ACOX1: variants seen among roughly 807,000 people sequenced by gnomAD.
The protein encoded by ACOX1 is peroxisomal acyl-coenzyme A oxidase 1.
Under a neutral mutation model 75.5 loss-of-function variants are expected in ACOX1, and 41 were observed. The ratio of observed to expected loss-of-function variants is 0.54; its 90% CI spans 0.42 to 0.70. ACOX1 has a LOEUF of 0.70. Among genes scored for constraint, ACOX1 ranks in the 30% least tolerant of loss-of-function variants. The probability of loss-of-function intolerance (pLI) is 0.00; values close to 1 mark genes in which losing one functional copy is unlikely to be tolerated. For synonymous variants in ACOX1, 303 were observed against 298.8 expected (o/e 1.01, Z -0.15); for missense variants, 630 against 837.5 (o/e 0.75, Z 3.06).
intron 2 of ACOX1, among the ~76,000 whole-genome samples, chr17:75,966,262 G>C (rs2065931333): frequency 6.6e-6 from 1 of 151,520 alleles, no homozygotes; most frequent in Non-Finnish European, 1.5e-5. Context: ...TTTGAGACCA[G>C]CCTGACCAAC....
intron 13 of ACOX1, 69 bp from the exon 14 acceptor site, chr17:75,946,864 G>C (rs1170530548): frequency 7.2e-7 from 1 of 1,391,232 alleles, no homozygotes; most frequent in Non-Finnish European, 1.0e-6. Flanking sequence ...ACTGTTTTTT[G>C]TTTTTGTTTT....
intron 3 of ACOX1, among the ~76,000 whole-genome samples, chr17:75,958,768 A>G (rs986487902): frequency 8.6e-5 from 13 of 150,300 alleles, no homozygotes; most frequent in Admixed American, 5.4e-4. Context: ...AGATCGCGCC[A>G]CTGCACTCCA....
chr17:75,965,337 C>CAGA (rs2065921398), intron 2 of ACOX1, among the ~76,000 whole-genome samples: 1 of 81,702 alleles, frequency 1.2e-5, no homozygotes, highest in Non-Finnish European at 2.6e-5. Context: ...GACTCTGTCT[C>CAGA]AAAAAAAAAA....
At chr17:75,962,690 T>C (rs2065897497) in intron 2 of ACOX1, among the ~76,000 whole-genome samples, 1 of 152,314 alleles carries the variant, frequency 6.6e-6, no homozygotes, top group African/African-American at 2.4e-5. Flanking sequence ...TATGTGTGAC[T>C]GAATCCCTCA....
chr17:75,957,603 T>C (rs760342013), intron 3 of ACOX1, 37 bp from the exon 4 acceptor site: 22 of 1,550,952 alleles, frequency 1.4e-5, no homozygotes, highest in African/African-American at 9.5e-5. Context: ...AGTTAAGAGA[T>C]GGGGAAAAAA....
At chr17:75,967,034 G>A (rs1311506119) in intron 2 of ACOX1, among the ~76,000 whole-genome samples, 1 of 150,616 alleles carries the variant, frequency 6.6e-6, no homozygotes, top group Non-Finnish European at 1.5e-5. Flanking sequence ...CCCAGCCTGG[G>A]TGACAGAGTG....
Position 75,951,526 on chromosome 17 carries a change from A to C in ACOX1, c.996T>G (p.Phe332Leu), listed in dbSNP as rs947994925. Reference sequence around the variant, plus strand: ...AGGCATAGGCAGTGGCCAGGAGTGGAAAGAGTTTATACTGCTGGGTTTGAA... The same window carrying C: ...AGGCATAGGCAGTGGCCAGGAGTGGCAAGAGTTTATACTGCTGGGTTTGAA... ...LDFQTQQYKL[F>L]PLLATAYAFQ... Residue 332 changes from phenylalanine to leucine, a missense_variant, in exon 8 of 14, where the codon TTT (phenylalanine) becomes TTG (leucine). By Grantham distance (22) the Phe-to-Leu change is conservative (BLOSUM62 0). Around this residue, in one of 2 missense-constraint regions of ACOX1, gnomAD observed 390 missense variants for 574.9 expected, o/e 0.68. Coordinates refer to ENST00000293217, the MANE Select transcript of ACOX1 (RefSeq NM_004035.7). The C allele has an allele frequency of 6.2e-7, 1 of 1,614,178 alleles. No homozygotes were observed. The highest frequency in any genetic ancestry group is 1.3e-5 in the African/African-American group (1 of 75,062).
Position 75,950,720 on chromosome 17 carries a change from A to C in ACOX1, c.1298+54T>G. The C allele has an allele frequency of 1.9e-6, 3 of 1,567,134 alleles. No homozygotes were observed. Among genetic ancestry groups the C allele is most frequent in the Non-Finnish European group, 2.6e-6 (3 of 1,138,480 alleles). ...ACCATGGGAACAAGAACCTAGGAAAAGGACTAGAACATTCTTATGAACAGA... is the reference window on the plus strand; with the variant it reads ...ACCATGGGAACAAGAACCTAGGAAACGGACTAGAACATTCTTATGAACAGA... On this transcript the variant is annotated intron_variant, in intron 9 of 13. Coordinates refer to ENST00000293217, the MANE Select transcript of ACOX1 (RefSeq NM_004035.7). This position sits in a 1 kb window ranked among gnomAD's most constrained non-coding sequence, Gnocchi z 4.3.
At chr17:75,967,661 C>CATATATATACATATATATACGT (rs1567885227) in intron 2 of ACOX1, among the ~76,000 whole-genome samples, 29 of 93,292 alleles carry the variant, frequency 3.1e-4, no homozygotes, top group Non-Finnish European at 4.3e-4. Context: ...TATATACATA[C>CATATATATACATATATATACGT]ATATATATAC....
intron 2 of ACOX1, among the ~76,000 whole-genome samples, chr17:75,970,952 C>A (rs2065987968): frequency 1.3e-5 from 2 of 152,212 alleles, no homozygotes; most frequent in African/African-American, 4.8e-5. Flanking sequence ...GGACACTGTT[C>A]TCTAAACCAC....
intron 6 of ACOX1, among the ~76,000 whole-genome samples, chr17:75,955,005 CT>C (rs2144253225): frequency 6.6e-6 from 1 of 152,194 alleles, no homozygotes; most frequent in African/African-American, 2.4e-5. Context: ...GTAGCTGGGA[CT>C]ACAGGTGCGC....
At chr17:75,947,606 C>T (rs749302490) in intron 13 of ACOX1, among the ~76,000 whole-genome samples, 2 of 151,952 alleles carry the variant, frequency 1.3e-5, no homozygotes, top group South Asian at 2.1e-4. Context: ...CAACTAGCCA[C>T]GAGTTGATAG....
chr17:75,950,696 C>T lies in ACOX1; in HGVS notation c.1298+78G>A. On this transcript the variant is annotated intron_variant, in intron 9 of 13. Transcript: ENST00000293217. The surrounding 1 kb of genome is among the most constrained non-coding windows in gnomAD (Gnocchi z 4.3). The stretch of plus-strand genomic sequence containing the variant: ...AATATATATATACGGTGAAGAAAAA[C>T]CATGGGAACAAGAACCTAGGAAAAG... 1 of 1,493,510 alleles carries T rather than the reference C, an allele frequency of 6.7e-7. No individual in the cohort carries two copies. The highest frequency in any genetic ancestry group is 9.3e-7 in the Non-Finnish European group (1 of 1,073,524). The allele number at this position is 1,493,510 out of a possible 1,614,324, so 92.5% of individuals were successfully genotyped here.
chr17:75,958,688 G>T (rs979114682), intron 3 of ACOX1, among the ~76,000 whole-genome samples: 11 of 151,594 alleles, frequency 7.3e-5, no homozygotes, highest in Admixed American at 1.3e-4. Flanking sequence ...GGTGCCTGTA[G>T]TCCCAGCTAC....
chr17:75,975,050 CAAAAAAAA>C (rs1022347068), intron 2 of ACOX1, among the ~76,000 whole-genome samples: 20 of 40,274 alleles, frequency 5.0e-4, no homozygotes, highest in Admixed American at 2.9e-4. Context: ...ACTCTGTCTC[CAAAAAAAA>C]AAAAAAAAAA....
Position 75,978,495 on chromosome 17 carries a change from A to G in ACOX1, c.269+39T>C. The G allele has an allele frequency of 6.2e-7, 1 of 1,613,632 alleles. No individual in the cohort carries two copies. Among genetic ancestry groups the G allele is most frequent in the Non-Finnish European group, 8.5e-7 (1 of 1,179,578 alleles). ...ACCATAGACCGCAGCTGTAAAGTTTAGGCTTAACAACACTTGCTCTGTTCT... is the reference window on the plus strand; with the variant it reads ...ACCATAGACCGCAGCTGTAAAGTTTGGGCTTAACAACACTTGCTCTGTTCT... On this transcript the variant is annotated intron_variant, in intron 2 of 13. Coordinates refer to ENST00000293217, the MANE Select transcript of ACOX1 (RefSeq NM_004035.7). This position sits in a 1 kb window ranked among gnomAD's most constrained non-coding sequence, Gnocchi z 4.2.
chr17:75,965,115 A>T (rs770996304), intron 2 of ACOX1, among the ~76,000 whole-genome samples: 3 of 152,146 alleles, frequency 2.0e-5, no homozygotes, highest in African/African-American at 7.2e-5. Flanking sequence ...AGGAGGGCGC[A>T]TCACGAGGTC....
rs147255787 is a variant in ACOX1, at chr17:75,950,780, G to A, written c.1292C>T (p.Thr431Met). The change falls in exon 9 of 14, where the codon ACG (threonine) becomes ATG (methionine). Residue 431 changes from threonine (T) to methionine (M), a missense_variant. Thr to Met is a moderately conservative substitution (Grantham distance 81, BLOSUM62 -1). This residue lies in a region of ACOX1 where 390 missense variants were observed against 574.9 expected (regional missense o/e 0.68). Transcript: ENST00000293217. The surrounding 1 kb of genome is among the most constrained non-coding windows in gnomAD (Gnocchi z 4.3). ...EGENTVMMLQ[T>M]ARFLMKSYDQ... ...TCGAGGATTTGACTCTCACCTAGCC[G>A]TCTGGAGCATCATGACAGTGTTTTC... 3.0e-5 allele frequency: 49 copies of A among 1,613,996 alleles called. No individual in the cohort carries two copies. Among genetic ancestry groups the A allele is most frequent in the African/African-American group, 6.7e-5 (5 of 75,030 alleles).
Position 75,978,784 on chromosome 17 carries a change from G to C in ACOX1, c.110-91C>G, listed in dbSNP as rs1032587148. 4.4e-6 allele frequency: 7 copies of C among 1,608,554 alleles called. No homozygotes were observed. In the African/African-American group the frequency reaches 9.3e-5, roughly 21 times the overall value. On this transcript the variant is annotated intron_variant, in intron 1 of 13. Coordinates refer to ENST00000293217, the MANE Select transcript of ACOX1 (RefSeq NM_004035.7). The surrounding 1 kb of genome is among the most constrained non-coding windows in gnomAD (Gnocchi z 4.2). Reference sequence around the variant, plus strand: ...AATCACAATAGGCTTCAGAGTCGCGGACACACCTGGGGAATGGCGATATCC... The same window carrying C: ...AATCACAATAGGCTTCAGAGTCGCGCACACACCTGGGGAATGGCGATATCC...
Sources: allele counts gnomAD v4.1 joint callset (sites outside exome capture counted in the v4.1 genomes callset), GRCh38; gene constraint gnomAD v4.1.1; regional missense constraint gnomAD v4.1.1; non-coding constraint Gnocchi (gnomAD v3.1); transcripts MANE v1.5; gene names NCBI Gene and HGNC (gene_info 2026-07-23, HGNC 2026-07-21).